TMEM63A: variants seen among roughly 807,000 people sequenced by gnomAD.
TMEM63A encodes the protein transmembrane protein 63A.
TMEM63A carries 76 observed loss-of-function variants against 100.6 expected under a neutral mutation model. That is an observed-to-expected ratio of 0.76 (90% CI 0.63 to 0.91). The LOEUF is 0.91. Ranked by LOEUF, TMEM63A falls within the 40% of genes least tolerant of loss-of-function variation. The pLI is 0.00. For synonymous variants in TMEM63A, 401 were observed against 401.1 expected, an observed-to-expected ratio of 1.00 and a Z score of 0.00; for missense variants, 876 against 1,008.8, an observed-to-expected ratio of 0.87 and a Z score of 1.78.
intron 6 of TMEM63A, among the ~76,000 whole-genome samples, chr1:225,868,521 TAA>T (rs774692508): frequency 4.5e-5 from 6 of 133,298 alleles, no homozygotes; most frequent in African/African-American, 8.3e-5. Flanking sequence ...TAAAAAATAC[TAA>T]AAAAAAAAAA....
At chr1:225,866,012 T>G (rs1356651573) in intron 9 of TMEM63A, 45 bp from the exon 10 acceptor site, 1 of 1,599,154 alleles carries the variant, frequency 6.3e-7, no homozygotes, top group South Asian at 1.1e-5. Context: ...CACAAGCCAG[T>G]GTGCCGGTAT....
intron 19 of TMEM63A, 28 bp from the exon 20 acceptor site, chr1:225,852,797 A>C: frequency 5.2e-4 from 826 of 1,591,518 alleles, no homozygotes; most frequent in Middle Eastern, 6.7e-4. Flanking sequence ...TGAGGAGCTC[A>C]TGGACTTGTT....
At chr1:225,874,894 C>A (rs1386369694) in intron 3 of TMEM63A, among the ~76,000 whole-genome samples, 3 of 152,184 alleles carry the variant, frequency 2.0e-5, no homozygotes, top group Non-Finnish European at 2.9e-5. Flanking sequence ...GCCACCACAC[C>A]CAGCTAATTT....
downstream of TMEM63A, chr1:225,845,409 G>A: frequency 6.6e-7 from 1 of 1,507,940 alleles, no homozygotes; most frequent in Non-Finnish European, 8.9e-7. Flanking sequence ...TTTTCTTGGG[G>A]AAGATACCCC....
Position 225,856,632 on chromosome 1 carries a change from C to G in TMEM63A, c.1571+20G>C. On this transcript the variant is annotated intron_variant, in intron 17 of 24. Transcript: ENST00000366835. ...TGTGACTCTTATTCTGAATTTAGAG[C>G]AGAAGGTGGTGGCATATACCTGGTG... 6.2e-7 allele frequency: 1 copy of G among 1,612,068 alleles called. No homozygotes were observed. Among genetic ancestry groups the G allele is most frequent in the South Asian group, 1.1e-5 (1 of 90,894 alleles).
intron 9 of TMEM63A, 90 bp downstream of exon 9, chr1:225,866,484 A>G (rs1576099259): frequency 8.6e-7 from 1 of 1,169,410 alleles, no homozygotes; most frequent in East Asian, 2.5e-5. Context: ...CATTGCAGTC[A>G]GGGCCTGTGG....
chr1:225,848,003 G>C lies in TMEM63A; in HGVS notation c.2250+489C>G, dbSNP rs1016985065. Reference sequence around the variant, plus strand: ...TGGAGGCTGTGTGCAGAGAGAACTAGGAAGGCAAGGAGCCCTGTGTCTCTC... The same window carrying C: ...TGGAGGCTGTGTGCAGAGAGAACTACGAAGGCAAGGAGCCCTGTGTCTCTC... On this transcript the variant is annotated intron_variant, in intron 23 of 24. Transcript: ENST00000366835. 3.9e-5 allele frequency among the ~76,000 whole-genome samples: 6 copies of C among 152,278 alleles called. No homozygotes were observed. In the East Asian group the frequency reaches 1.2e-3, roughly 29 times the overall value.
Position 225,852,733 on chromosome 1 carries a change from C to A in TMEM63A, c.1834G>T (p.Ala612Ser), listed in dbSNP as rs1345278362. The A allele has an allele frequency of 6.2e-7, 1 of 1,614,076 alleles. No homozygotes were observed. The highest frequency in any genetic ancestry group is 1.7e-5 in the Admixed American group (1 of 60,032). The change falls in exon 20 of 25, where the codon GCA becomes TCA. Residue 612 changes from alanine (A) to serine (S), a missense_variant. Physicochemically the swap from Ala to Ser is moderately conservative, Grantham distance 99. Coordinates refer to ENST00000366835, the MANE Select transcript of TMEM63A (RefSeq NM_014698.3). ...AFQYEFGAMY[A>S]WMLCVFTVIV... ...ACAGTGAAGACACACAGCATCCATG[C>A]ATACATGGCTCCAAACTCGTACTGG... is the stretch of plus-strand genomic sequence containing the variant.
At chr1:225,854,661 T>G (rs571095649) in intron 18 of TMEM63A, among the ~76,000 whole-genome samples, 1 of 152,128 alleles carries the variant, frequency 6.6e-6, no homozygotes, top group South Asian at 2.1e-4. Flanking sequence ...CAGCTAGAGT[T>G]TGAGGTGGGC....
chr1:225,860,651 T>G (rs900684593), intron 14 of TMEM63A: 1 of 430,264 alleles, frequency 2.3e-6, no homozygotes, highest in East Asian at 3.6e-5. Flanking sequence ...TGGGTAGCAC[T>G]TGAATGCTAG....
At chr1:225,877,718 G>T in intron 2 of TMEM63A, 124 bp from the exon 3 acceptor site, 1 of 893,440 alleles carries the variant, frequency 1.1e-6, no homozygotes, top group Non-Finnish European at 1.7e-6. Flanking sequence ...TGAGCCAGCA[G>T]CAAGGAGTCC....
In TMEM63A at chr1:225,859,191, C is replaced by T; in HGVS notation, c.1377+5G>A. On this transcript the variant is annotated splice_donor_5th_base_variant and intron_variant, in intron 15 of 24. Coordinates refer to ENST00000366835, the MANE Select transcript of TMEM63A (RefSeq NM_014698.3). ...TGGGAGGGGCCTTGCAGAACAGTTA[C>T]TCACATTCAGCGCATGGATGGGTTT... 1 of 1,614,082 alleles carries T rather than the reference C, an allele frequency of 6.2e-7. No homozygotes were observed. The highest frequency in any genetic ancestry group is 1.1e-5 in the South Asian group (1 of 91,072).
intron 5 of TMEM63A, 119 bp downstream of exon 5, chr1:225,871,868 T>C (rs1559049365): frequency 5.4e-6 from 4 of 743,702 alleles, no homozygotes; most frequent in South Asian, 1.7e-5. Context: ...CCTTCGTCGA[T>C]GCAGAAAAGC....
At chr1:225,860,430 G>A (rs1426591655) in intron 14 of TMEM63A, 2 of 153,944 alleles carry the variant, frequency 1.3e-5, no homozygotes, top group South Asian at 2.0e-4. Context: ...GGTGCTAGAA[G>A]TGTAAAATAC....
chr1:225,876,607 T>C lies in TMEM63A; in HGVS notation c.186+788A>G, dbSNP rs372613345. On this transcript the variant is annotated intron_variant, in intron 3 of 24. Coordinates refer to ENST00000366835, the MANE Select transcript of TMEM63A (RefSeq NM_014698.3). ...TCTACGTTAAAGAAAGGCCACCTGC[T>C]GAAGGTACGCTCTAAGAATCAGCTT... 1.1e-4 allele frequency among the ~76,000 whole-genome samples: 16 copies of C among 152,198 alleles called. No individual in the cohort carries two copies. The East Asian group carries it at 3.1e-3, about 29-fold the overall frequency.
At position 225,866,149 on chromosome 1, in the gene TMEM63A, G is replaced by A; in HGVS notation, c.676-182C>T. The A allele has an allele frequency of 4.8e-6, 3 of 621,852 alleles. No homozygotes were observed. In the South Asian group the frequency reaches 5.7e-5, roughly 12 times the overall value. 38.5% of individuals were successfully genotyped at this position (621,852 alleles called of 1,614,324 possible). ...GTCATTTACACAGCGTCTTCTTCCAGGCTGTACAAAGAATCCACTTCCAAA... is the reference window on the plus strand; with the variant it reads ...GTCATTTACACAGCGTCTTCTTCCAAGCTGTACAAAGAATCCACTTCCAAA... On this transcript the variant is annotated intron_variant, in intron 9 of 24. Coordinates refer to ENST00000366835, the MANE Select transcript of TMEM63A (RefSeq NM_014698.3).
chr1:225,871,393 G>A (rs2102638727), intron 5 of TMEM63A, among the ~76,000 whole-genome samples: 1 of 152,308 alleles, frequency 6.6e-6, no homozygotes, highest in South Asian at 2.1e-4. Flanking sequence ...GATGTGGGCT[G>A]CTGTTTGATT....
Position 225,856,933 on chromosome 1 carries a change from G to A in TMEM63A, c.1462C>T (p.Leu488=). Residue 488 remains leucine, a synonymous_variant, in exon 16 of 25, where the codon CTG becomes TTG. Coordinates refer to ENST00000366835, the MANE Select transcript of TMEM63A (RefSeq NM_014698.3). ...LLPSIVYYST[L]LESHWTKSGE... ...CACTTGGTCCAGTGAGACTCCAGCA[G>A]TGTAGAGTAGTAGACAATGGAGGGG... 6.2e-7 allele frequency: 1 copy of A among 1,609,646 alleles called. No homozygotes were observed. The highest frequency in any genetic ancestry group is 8.5e-7 in the Non-Finnish European group (1 of 1,178,810).
In TMEM63A at chr1:225,849,365, C is replaced by G. The variant is rs374517375; in HGVS notation, c.2072-353G>C. 9.2e-5 allele frequency among the ~76,000 whole-genome samples: 14 copies of G among 152,318 alleles called. No individual in the cohort carries two copies. In the East Asian group the frequency reaches 2.3e-3, roughly 25 times the overall value. On this transcript the variant is annotated intron_variant, in intron 21 of 24. Transcript: ENST00000366835. ...GAGAGGATGGACCCTCCCACACCCC[C>G]AGTCTGACCGGGGCAGACGTGTCTT... is the stretch of plus-strand genomic sequence containing the variant.
Sources: allele counts gnomAD v4.1 joint callset (sites outside exome capture counted in the v4.1 genomes callset), GRCh38; gene constraint gnomAD v4.1.1; transcripts MANE v1.5; gene names NCBI Gene and HGNC (gene_info 2026-07-23, HGNC 2026-07-21).